Variants in USP6 observed in about 807,000 individuals in gnomAD.
The protein encoded by USP6 is ubiquitin specific peptidase 6, also known as ubiquitin carboxyl-terminal hydrolase 6.
A neutral mutation model predicts 175.7 loss-of-function variants in USP6; 128 were observed. The ratio of observed to expected loss-of-function variants is 0.73; its 90% CI spans 0.63 to 0.84. The LOEUF (loss-of-function observed/expected upper bound fraction) is 0.84, where lower values mean the gene tolerates loss of function less well. Among genes scored for constraint, USP6 ranks in the 40% least tolerant of loss-of-function variants. The probability of loss-of-function intolerance (pLI) is 0.00; values close to 1 mark genes in which losing one functional copy is unlikely to be tolerated. For synonymous variants in USP6, 562 were observed against 630.6 expected, an observed-to-expected ratio of 0.89 and a Z score of 1.63; for missense variants, 1,498 against 1,760.3, an observed-to-expected ratio of 0.85 and a Z score of 2.67.
At position 5,132,016 on chromosome 17, in the gene USP6, C is replaced by T. The variant is rs1048904895; in HGVS notation, c.156-380C>T. Among the ~76,000 whole-genome samples, 12 of 152,064 alleles carry T rather than the reference C, an allele frequency of 7.9e-5. No homozygotes were observed. Among genetic ancestry groups the T allele is most frequent in the Middle Eastern group, 3.2e-3 (1 of 316 alleles). On this transcript the variant is annotated intron_variant, in intron 11 of 37. Transcript: ENST00000574788. This position sits in a 1 kb window ranked among gnomAD's most constrained non-coding sequence, Gnocchi z 4.7. ...CCCTGGCGGGGTGATGTGGTCACTCCCTGAGGGACTCCTGTCAGGGCCCGG... is the reference window on the plus strand; with the variant it reads ...CCCTGGCGGGGTGATGTGGTCACTCTCTGAGGGACTCCTGTCAGGGCCCGG...
chr17:5,157,623 G>C (rs550496895), intron 31 of USP6, among the ~76,000 whole-genome samples: 1 of 152,148 alleles, frequency 6.6e-6, no homozygotes, highest in Admixed American at 6.5e-5. Context: ...AATCCAGGCT[G>C]ACTTCTTTTT....
intron 30 of USP6, among the ~76,000 whole-genome samples, chr17:5,151,177 C>T (rs1204546680): frequency 1.3e-5 from 2 of 151,962 alleles, no homozygotes; most frequent in East Asian, 3.9e-4. Flanking sequence ...AACTCAACTA[C>T]AGATATTATT....
chr17:5,133,809 G>C, intron 14 of USP6, 78 bp from the exon 15 acceptor site: 1 of 1,443,902 alleles, frequency 6.9e-7, no homozygotes, highest in Non-Finnish European at 9.8e-7. Flanking sequence ...AGTGCTGACT[G>C]TGGGCTGACT....
At chr17:5,137,952 T>C (rs1438032669) in intron 20 of USP6, among the ~76,000 whole-genome samples, 169 bp from the exon 21 acceptor site, 1 of 151,990 alleles carries the variant, frequency 6.6e-6, no homozygotes, top group Non-Finnish European at 1.5e-5. Context: ...TGGTGAGCAC[T>C]TCCCTGTCCA....
intron 10 of USP6, 70 bp downstream of exon 10, chr17:5,130,509 C>T (rs1309234246): frequency 3.1e-6 from 5 of 1,610,314 alleles, no homozygotes; most frequent in Non-Finnish European, 4.2e-6. Context: ...CCTGGGTTCC[C>T]TAGGAGCACA....
chr17:5,167,899 A>G, intron 33 of USP6, 33 bp from the exon 34 acceptor site: 1 of 1,588,578 alleles, frequency 6.3e-7, no homozygotes, highest in Non-Finnish European at 8.6e-7. Context: ...GCCTTCCCAC[A>G]CACCCCTTTC....
intron 21 of USP6, among the ~76,000 whole-genome samples, chr17:5,138,754 C>T (rs2073343498): frequency 6.6e-6 from 1 of 152,214 alleles, no homozygotes; most frequent in Admixed American, 6.5e-5. Context: ...GGAGAGGGCA[C>T]AGGCGGGACC....
chr17:5,144,624 T>C, intron 25 of USP6, 66 bp from the exon 26 acceptor site: 4 of 1,551,104 alleles, frequency 2.6e-6, no homozygotes, highest in Non-Finnish European at 3.5e-6. Context: ...GATTGGATTA[T>C]AGGACATGTT....
rs763675146 is a variant in USP6 at position 5,148,552 on chromosome 17, G to A, written c.2432-4G>A. The A allele has an allele frequency of 1.6e-5, 26 of 1,613,776 alleles. No individual in the cohort carries two copies. The highest frequency in any genetic ancestry group is 2.2e-5 in the Non-Finnish European group (26 of 1,179,812). ...TGATGCTGTACTTATCTTTGAATTT[G>A]TAGATTTCTCCTCTTCACCATCTAC... On this transcript the variant is annotated splice_polypyrimidine_tract_variant and splice_region_variant and intron_variant, in intron 29 of 37. Coordinates refer to ENST00000574788, the MANE Select transcript of USP6 (RefSeq NM_001304284.2).
At chr17:5,170,401 A>G (rs1348189764) in intron 35 of USP6, 78 bp from the exon 36 acceptor site, 74 of 1,536,656 alleles carry the variant, frequency 4.8e-5, no homozygotes, top group Non-Finnish European at 5.6e-5. Context: ...TGCAAAGCTA[A>G]CCTCGGAGTT....
chr17:5,137,183 C>T lies in USP6; in HGVS notation c.822C>T (p.Asp274=), dbSNP rs779071655. The change falls in exon 19 of 38, where the codon GAC becomes GAT. Residue 274 remains aspartate, a synonymous_variant. Coordinates refer to ENST00000574788, the MANE Select transcript of USP6 (RefSeq NM_001304284.2). ...GCTGCCTTCTCCGGAACCTGATTGA[C>T]GGGGTAAGGAGGCATAGGGAGACCC... ...SLGCLLRNLI[D]GISLGLTLRL... The T allele has an allele frequency of 9.9e-6, 16 of 1,612,708 alleles. No homozygotes were observed. The highest frequency in any genetic ancestry group is 1.7e-4 in the Middle Eastern group (1 of 5,920).
At chr17:5,123,712 C>T (rs1397541529) in intron 4 of USP6, among the ~76,000 whole-genome samples, 7 of 152,148 alleles carry the variant, frequency 4.6e-5, no homozygotes, top group Non-Finnish European at 8.8e-5. Context: ...TTCGCTCTCA[C>T]GGGACACACG....
At chr17:5,153,407 C>T (rs771873999) in intron 30 of USP6, among the ~76,000 whole-genome samples, 8 of 152,172 alleles carry the variant, frequency 5.3e-5, no homozygotes, top group Non-Finnish European at 8.8e-5. Flanking sequence ...CTGCCTCGGC[C>T]TCCCGAGTAG....
chr17:5,126,622 C>T (rs1057361381), intron 6 of USP6: 1 of 152,236 alleles, frequency 6.6e-6, no homozygotes, highest in Non-Finnish European at 1.5e-5. Flanking sequence ...TCCTCTCAGC[C>T]TCCTCTGTCT....
At chr17:5,141,855 T>C in intron 23 of USP6, 148 bp from the exon 24 acceptor site, 6 of 1,296,792 alleles carry the variant, frequency 4.6e-6, no homozygotes, top group Non-Finnish European at 6.2e-6. Flanking sequence ...AAGCCTTCTC[T>C]AGCATTTCAA....
intron 4 of USP6, among the ~76,000 whole-genome samples, chr17:5,123,478 T>C (rs2072775736): frequency 6.6e-6 from 1 of 151,978 alleles, no homozygotes; most frequent in African/African-American, 2.4e-5. Flanking sequence ...CCAGCCCGCG[T>C]CACCCGGCAG....
At position 5,168,893 on chromosome 17, in the gene USP6, C is replaced by T; in HGVS notation, c.3355C>T (p.Gln1119Ter). Residue 1119 changes from glutamine (Q) to a stop codon, truncating the protein, a stop_gained, in exon 35 of 38, where the codon CAG becomes TAG. Coordinates refer to ENST00000574788, the MANE Select transcript of USP6 (RefSeq NM_001304284.2). LOFTEE classifies it high-confidence loss of function. ...GGTACCACGAGACCCGGCCCTCTGC[C>T]AGCATAAACCACTCACACCCCAGGG... Reference protein sequence around the residue: ...FLVPRDPALCQHKPLTPQGDE... With the variant: ...FLVPRDPALC 1 of 1,613,796 alleles carries T rather than the reference C, an allele frequency of 6.2e-7. No homozygotes were observed.
intron 30 of USP6, among the ~76,000 whole-genome samples, chr17:5,153,375 C>G (rs1304436069): frequency 6.6e-6 from 1 of 152,168 alleles, no homozygotes; most frequent in African/African-American, 2.4e-5. Flanking sequence ...CAACCTCCGC[C>G]TCCTGTGTTC....
rs1397763368 is a variant in USP6 at position 5,124,930 on chromosome 17, T to C, written c.-934T>C. On this transcript the variant is annotated 5_prime_UTR_variant, in exon 5 of 38. An upstream start codon of the reference 5' UTR is lost. Coordinates refer to ENST00000574788, the MANE Select transcript of USP6 (RefSeq NM_001304284.2). ...TGAATAATTTCAATTGACATAATAA[T>C]GTATTTATCTTGCTGGGTAAATGAG... The C allele has an allele frequency of 1.3e-5, 2 of 152,174 alleles. No homozygotes were observed. The allele number at this position is 152,174 out of a possible 1,614,324, so 9.4% of individuals were successfully genotyped here.
Sources: gnomAD v4.1 joint callset for allele counts (sites outside exome capture counted in the v4.1 genomes callset) on GRCh38, gnomAD v4.1.1 for gene constraint, Gnocchi (gnomAD v3.1) non-coding constraint, MANE v1.5 for transcripts, NCBI Gene and HGNC (gene_info 2026-07-23, HGNC 2026-07-21) for gene names.